Variants in RAB11FIP2 observed in about 807,000 individuals in gnomAD.
RAB11FIP2 encodes RAB11 family interacting protein 2.
Under a neutral mutation model 40.9 loss-of-function variants are expected in RAB11FIP2, and 16 were observed. The ratio of observed to expected loss-of-function variants is 0.39; its 90% CI spans 0.26 to 0.59. The LOEUF (loss-of-function observed/expected upper bound fraction) is 0.59. Among genes scored for constraint, RAB11FIP2 ranks in the 20% least tolerant of loss-of-function variants. The pLI is 0.53. For missense variants in RAB11FIP2, 532 were observed against 606.2 expected, an observed-to-expected ratio of 0.88 and a Z score of 1.28; for synonymous variants, 228 against 213.7, an observed-to-expected ratio of 1.07 and a Z score of -0.58.
At chr10:118,033,833 T>C (rs1589645834) in intron 3 of RAB11FIP2, 1 of 606,400 alleles carries the variant, frequency 1.6e-6, no homozygotes, top group Non-Finnish European at 3.0e-6. Flanking sequence ...CTCAGTAGGA[T>C]AAATAATGCT....
At position 118,038,663 on chromosome 10, in the gene RAB11FIP2, T is replaced by C. The variant is rs1846512640; in HGVS notation, c.1265+309A>G. 3.3e-5 allele frequency among the ~76,000 whole-genome samples: 5 copies of C among 152,116 alleles called. No individual in the cohort carries two copies. The South Asian group carries it at 1.0e-3, about 32-fold the overall frequency. On this transcript the variant is annotated intron_variant, in intron 3 of 4. Coordinates refer to ENST00000355624, the MANE Select transcript of RAB11FIP2 (RefSeq NM_014904.3). ...ATTTCTGGCTTGAACTAACACCCACTGGCAATTCACTCTCGCCATGTCTCA... is the reference window on the plus strand; with the variant it reads ...ATTTCTGGCTTGAACTAACACCCACCGGCAATTCACTCTCGCCATGTCTCA...
chr10:118,030,067 G>A lies in RAB11FIP2; in HGVS notation c.1265+8905C>T, dbSNP rs1476421969. Among the ~76,000 whole-genome samples, 3 of 152,008 alleles carry A rather than the reference G, an allele frequency of 2.0e-5. No homozygotes were observed. The East Asian group carries it at 5.8e-4, about 29-fold the overall frequency. ...AGGCAATTTTAGCCGACAAGTCACA[G>A]GTAAAAAATAAACTGAAAATAAATG... On this transcript the variant is annotated intron_variant, in intron 3 of 4. Transcript: ENST00000355624.
At chr10:118,031,461 A>G (rs1846412528) in intron 3 of RAB11FIP2, among the ~76,000 whole-genome samples, 1 of 152,178 alleles carries the variant, frequency 6.6e-6, no homozygotes, top group Non-Finnish European at 1.5e-5. Context: ...TTAGAAAGAC[A>G]TTTAAATATA....
chr10:118,033,833 T>A, intron 3 of RAB11FIP2: 1 of 606,400 alleles, frequency 1.6e-6, no homozygotes, highest in Non-Finnish European at 3.0e-6. Context: ...CTCAGTAGGA[T>A]AAATAATGCT....
chr10:118,040,695 T>C, intron 1 of RAB11FIP2, 130 bp from the exon 2 acceptor site: 1 of 640,326 alleles, frequency 1.6e-6, no homozygotes, highest in South Asian at 2.3e-5. Context: ...AATAAGAATC[T>C]GTCAGCCACA....
rs1846163329 is a variant in RAB11FIP2, at chr10:118,012,121, A to T, written c.1312-2896T>A. Among the ~76,000 whole-genome samples, 8 of 152,142 alleles carry T rather than the reference A, an allele frequency of 5.3e-5. No homozygotes were observed. In the South Asian group the frequency reaches 1.7e-3, roughly 32 times the overall value. On this transcript the variant is annotated intron_variant, in intron 4 of 4. Transcript: ENST00000355624. The stretch of plus-strand genomic sequence containing the variant: ...TGATATAAATTAAAGCCATGATATA[A>T]ATTAATAGTTTAATCTTTCAAAATA...
At chr10:118,033,870 A>T in intron 3 of RAB11FIP2, 2 of 674,502 alleles carry the variant, frequency 3.0e-6, no homozygotes, top group Non-Finnish European at 5.4e-6. Context: ...ATATATATAA[A>T]TCTCAGTAAC....
At chr10:118,034,002 T>C in intron 3 of RAB11FIP2, 1 of 702,056 alleles carries the variant, frequency 1.4e-6, no homozygotes, top group South Asian at 1.5e-5. Context: ...ATCTCAAAGA[T>C]CCTCTCCATT....
intron 1 of RAB11FIP2, among the ~76,000 whole-genome samples, chr10:118,042,398 T>C (rs1422961448): frequency 1.3e-5 from 2 of 152,166 alleles, no homozygotes; most frequent in African/African-American, 2.4e-5. Context: ...AGGAATGATA[T>C]GTAACTTCCC....
chr10:118,018,899 GTTTT>G (rs920564573), intron 3 of RAB11FIP2, among the ~76,000 whole-genome samples: 50 of 151,536 alleles, frequency 3.3e-4, no homozygotes, highest in Non-Finnish European at 5.7e-4. Flanking sequence ...ATCAAAGTGG[GTTTT>G]TTTTGTTTTT....
At position 118,005,029 on chromosome 10, in the gene RAB11FIP2, C is replaced by T. The variant is rs947658898; in HGVS notation, c.*3969G>A. Reference sequence around the variant, plus strand: ...CAATTGTCACATTATACAATGCTTACATACTTTTGAATTTGTACCTGCAAA... The same window carrying T: ...CAATTGTCACATTATACAATGCTTATATACTTTTGAATTTGTACCTGCAAA... On this transcript the variant is annotated 3_prime_UTR_variant, in exon 5 of 5. Transcript: ENST00000355624. The T allele has an allele frequency of 5.2e-5, 8 of 152,584 alleles. No homozygotes were observed. The highest frequency in any genetic ancestry group is 1.9e-4 in the African/African-American group (8 of 41,444). The allele number at this position is 152,584 out of a possible 1,614,324, so 9.5% of individuals were successfully genotyped here.
At chr10:118,026,827 T>C (rs528262984) in intron 3 of RAB11FIP2, among the ~76,000 whole-genome samples, 2 of 152,214 alleles carry the variant, frequency 1.3e-5, no homozygotes, top group African/African-American at 4.8e-5. Context: ...GAGAATACTT[T>C]TACTTAATTT....
At chr10:118,024,017 G>A (rs542859600) in intron 3 of RAB11FIP2, among the ~76,000 whole-genome samples, 3 of 151,550 alleles carry the variant, frequency 2.0e-5, no homozygotes, top group African/African-American at 7.3e-5. Flanking sequence ...CTGAACCTGG[G>A]AGACGGAGGC....
At chr10:118,044,304 T>C (rs990780758) in intron 1 of RAB11FIP2, among the ~76,000 whole-genome samples, 2 of 152,166 alleles carry the variant, frequency 1.3e-5, no homozygotes, top group African/African-American at 4.8e-5. Flanking sequence ...GTACTATAAA[T>C]GAAGTGAGGA....
At chr10:118,037,751 C>T (rs952321334) in intron 3 of RAB11FIP2, among the ~76,000 whole-genome samples, 2 of 151,958 alleles carry the variant, frequency 1.3e-5, no homozygotes, top group African/African-American at 4.8e-5. Flanking sequence ...TCTTCTATTA[C>T]GTGGTAAACA....
chr10:118,009,048 T>C lies in RAB11FIP2; in HGVS notation c.1489A>G (p.Arg497Gly), dbSNP rs1191561541. ...RVMEETPSIL[R>G]VPYEPSRKAG... is the part of the protein sequence containing the mutation. ...TTCCTGGATGGTTCATACGGCACTC[T>C]GAGAATACTGGGCGTTTCTTCCATT... The change falls in exon 5 of 5, where the codon AGA becomes GGA. Residue 497 changes from arginine to glycine, a missense_variant. By Grantham distance (125) the Arg-to-Gly change is moderately radical. Transcript: ENST00000355624. The C allele has an allele frequency of 1.2e-6, 2 of 1,613,526 alleles. No individual in the cohort carries two copies. Among genetic ancestry groups the C allele is most frequent in the Non-Finnish European group, 8.5e-7 (1 of 1,179,630 alleles).
intron 1 of RAB11FIP2, among the ~76,000 whole-genome samples, chr10:118,043,817 C>T (rs966985197): frequency 1.3e-5 from 2 of 152,046 alleles, no homozygotes; most frequent in East Asian, 1.9e-4. Flanking sequence ...TGAAATATAC[C>T]GGCGGCTCAA....
At chr10:118,033,205 T>G (rs967186064) in intron 3 of RAB11FIP2, among the ~76,000 whole-genome samples, 1 of 152,068 alleles carries the variant, frequency 6.6e-6, no homozygotes, top group African/African-American at 2.4e-5. Flanking sequence ...TAGCAATTTT[T>G]AAACCCGATA....
In RAB11FIP2 at chr10:118,008,685, G is replaced by A. The variant is rs1253897969; in HGVS notation, c.*313C>T. On this transcript the variant is annotated 3_prime_UTR_variant, in exon 5 of 5. Coordinates refer to ENST00000355624, the MANE Select transcript of RAB11FIP2 (RefSeq NM_014904.3). ...AATCTATTCCTGAGGAACAACTCAC[G>A]TACTTCTGAAGATATTTCTGGGCCT... 1.2e-5 allele frequency: 3 copies of A among 248,170 alleles called. No homozygotes were observed. The highest frequency in any genetic ancestry group is 7.5e-5 in the South Asian group (1 of 13,288). The allele number at this position is 248,170 out of a possible 1,614,324, so 15.4% of individuals were successfully genotyped here. A position where few individuals can be genotyped will look rare whatever the true frequency, so the allele number is the denominator to read the frequency against.
Sources: allele counts gnomAD v4.1 joint callset (sites outside exome capture counted in the v4.1 genomes callset), GRCh38; gene constraint gnomAD v4.1.1; transcripts MANE v1.5; gene names NCBI Gene and HGNC (gene_info 2026-07-23, HGNC 2026-07-21).